Variants in IMMP2L observed in about 807,000 individuals in gnomAD.
IMMP2L encodes mitochondrial inner membrane protease subunit 2.
Under a neutral mutation model 19.3 loss-of-function variants are expected in IMMP2L, and 18 were observed. The observed-to-expected ratio is 0.93, with a 90% CI of 0.64 to 1.38. IMMP2L has a LOEUF of 1.38. Ranked by LOEUF, IMMP2L falls within the 40% of genes most tolerant of loss-of-function variation. IMMP2L has a pLI of 0.00. For missense variants in IMMP2L, 233 were observed against 218.2 expected, an observed-to-expected ratio of 1.07 and a Z score of -0.43; for synonymous variants, 76 against 73.0, an observed-to-expected ratio of 1.04 and a Z score of -0.21.
In IMMP2L at chr7:111,065,355, A is replaced by T. The variant is rs556032619; in HGVS notation, c.240-101790T>A. On this transcript the variant is annotated intron_variant, in intron 3 of 5. Coordinates refer to ENST00000405709, the MANE Select transcript of IMMP2L (RefSeq NM_032549.4). Reference sequence around the variant, plus strand: ...CTATATTATGTTAGACATAACTAAGACTTTATTATTGTCTTTATTTGAAGA... The same window carrying T: ...CTATATTATGTTAGACATAACTAAGTCTTTATTATTGTCTTTATTTGAAGA... 7.9e-5 allele frequency among the ~76,000 whole-genome samples: 12 copies of T among 152,276 alleles called. No individual in the cohort carries two copies. In the South Asian group the frequency reaches 1.4e-3, roughly 18 times the overall value.
At chr7:111,450,221 A>G (rs1220524713) in intron 3 of IMMP2L, among the ~76,000 whole-genome samples, 7 of 150,496 alleles carry the variant, frequency 4.7e-5, no homozygotes, top group African/African-American at 1.7e-4. Context: ...TTTAAAGTTC[A>G]TATGGAACCA....
At chr7:111,041,981 A>G (rs1167730139) in intron 3 of IMMP2L, among the ~76,000 whole-genome samples, 1 of 152,182 alleles carries the variant, frequency 6.6e-6, no homozygotes, top group Non-Finnish European at 1.5e-5. Context: ...ATAACAATCT[A>G]TATTATAGGG....
At chr7:111,035,775 T>C (rs557404391) in intron 3 of IMMP2L, among the ~76,000 whole-genome samples, 10 of 151,918 alleles carry the variant, frequency 6.6e-5, no homozygotes, top group South Asian at 4.2e-4. Flanking sequence ...ATTGGAGGAG[T>C]CCTTCTTAAC....
chr7:110,875,156 T>C (rs1808941669), intron 5 of IMMP2L, among the ~76,000 whole-genome samples: 1 of 152,134 alleles, frequency 6.6e-6, no homozygotes, highest in African/African-American at 2.4e-5. Context: ...AATGCCCATC[T>C]GGGCAAAAAA....
intron 3 of IMMP2L, among the ~76,000 whole-genome samples, chr7:111,257,828 A>T (rs558170854): frequency 6.6e-6 from 1 of 151,820 alleles, no homozygotes; most frequent in Non-Finnish European, 1.5e-5. Flanking sequence ...ACATGTGCAT[A>T]AAGTGCAGGT....
chr7:110,665,153 T>C (rs951911765), intron 5 of IMMP2L: 1 of 152,210 alleles, frequency 6.6e-6, no homozygotes, highest in South Asian at 2.1e-4. Flanking sequence ...TTCTTTTTTT[T>C]CTTCTACTTG....
At chr7:111,012,447 T>A (rs1825064798) in intron 3 of IMMP2L, among the ~76,000 whole-genome samples, 1 of 152,138 alleles carries the variant, frequency 6.6e-6, no homozygotes, top group Non-Finnish European at 1.5e-5. Flanking sequence ...ATGCATTCAG[T>A]TCCTCTACAT....
rs1554389250 is a variant in IMMP2L, at chr7:110,669,120, G to GAGAA, written c.409-5400_409-5399insTTCT. On this transcript the variant is annotated intron_variant, in intron 5 of 5. Coordinates refer to ENST00000405709, the MANE Select transcript of IMMP2L (RefSeq NM_032549.4). ...GTATATATATATATAGAGAGAGAGA[G>GAGAA]AGAGAAAGAGAGATTTATCTTTAAG... Among the ~76,000 whole-genome samples, 740 of 149,764 alleles carry GAGAA rather than the reference G, an allele frequency of 4.9e-3. 8 individuals are homozygous for GAGAA. The highest frequency in any genetic ancestry group is 0.016 in the African/African-American group (639 of 39,722).
At chr7:111,508,197 A>G (rs1001330037) in intron 2 of IMMP2L, among the ~76,000 whole-genome samples, 1 of 152,154 alleles carries the variant, frequency 6.6e-6, no homozygotes, top group African/African-American at 2.4e-5. Flanking sequence ...AAAAAAATTC[A>G]CTGACAAAAA....
chr7:111,231,645 A>G (rs915956781), intron 3 of IMMP2L, among the ~76,000 whole-genome samples: 12 of 151,922 alleles, frequency 7.9e-5, no homozygotes, highest in Non-Finnish European at 1.6e-4. Context: ...ATTCATGACT[A>G]TTTTATCTAC....
chr7:111,008,907 G>A (rs1824602626), intron 3 of IMMP2L, among the ~76,000 whole-genome samples: 1 of 152,068 alleles, frequency 6.6e-6, no homozygotes, highest in African/African-American at 2.4e-5. Flanking sequence ...AACAAAAGCA[G>A]GAATATGAAT....
At chr7:110,950,841 C>T (rs1585406393) in intron 4 of IMMP2L, among the ~76,000 whole-genome samples, 1 of 100,632 alleles carries the variant, frequency 9.9e-6, no homozygotes, top group Non-Finnish European at 1.9e-5. Context: ...CAAAATGTGG[C>T]ATATATATAT....
intron 5 of IMMP2L, among the ~76,000 whole-genome samples, chr7:110,841,622 C>A (rs1805097033): frequency 6.6e-6 from 1 of 152,026 alleles, no homozygotes; most frequent in Non-Finnish European, 1.5e-5. Flanking sequence ...CATTTCAGAT[C>A]AAATTTTACA....
At chr7:111,512,711 A>G (rs1003263019) in intron 2 of IMMP2L, among the ~76,000 whole-genome samples, 4 of 152,002 alleles carry the variant, frequency 2.6e-5, no homozygotes, top group Admixed American at 6.6e-5. Flanking sequence ...CAAATGCAAA[A>G]TTATAGTAAT....
At chr7:111,524,005 T>G (rs1444473784) in intron 1 of IMMP2L, among the ~76,000 whole-genome samples, 1 of 152,128 alleles carries the variant, frequency 6.6e-6, no homozygotes, top group South Asian at 2.1e-4. Flanking sequence ...ACTTTTCCAA[T>G]GGACTATTTT....
chr7:110,755,084 G>T (rs1797962747), intron 5 of IMMP2L, among the ~76,000 whole-genome samples: 1 of 151,944 alleles, frequency 6.6e-6, no homozygotes, highest in African/African-American at 2.4e-5. Context: ...TGCAACATAA[G>T]CTATGGGTCT....
At chr7:110,667,036 T>G (rs1791512146) in intron 5 of IMMP2L, among the ~76,000 whole-genome samples, 1 of 152,148 alleles carries the variant, frequency 6.6e-6, no homozygotes, top group Non-Finnish European at 1.5e-5. Flanking sequence ...CACGCCCAGC[T>G]AATTTTTTGT....
Position 110,727,966 on chromosome 7 carries a change from C to T in IMMP2L, c.409-64245G>A, listed in dbSNP as rs1409606817. On this transcript the variant is annotated intron_variant, in intron 5 of 5. Transcript: ENST00000405709. This position sits in a 1 kb window ranked among gnomAD's most constrained non-coding sequence, Gnocchi z 4.3. ...ACCCACACACATGTAATTCTGCTCA[C>T]TTCTGTTAACATTGTAAAAGGCAGC... Among the ~76,000 whole-genome samples the T allele has an allele frequency of 6.6e-6, 1 of 152,210 alleles. No individual in the cohort carries two copies. Among genetic ancestry groups the T allele is most frequent in the African/African-American group, 2.4e-5 (1 of 41,460 alleles).
intron 4 of IMMP2L, among the ~76,000 whole-genome samples, chr7:110,893,493 T>G (rs988162467): frequency 1.3e-5 from 2 of 152,242 alleles, no homozygotes; most frequent in African/African-American, 4.8e-5. Context: ...AATAGTATAC[T>G]ACTATATGAA....
Sources: allele counts gnomAD v4.1 joint callset (sites outside exome capture counted in the v4.1 genomes callset), GRCh38; gene constraint gnomAD v4.1.1; non-coding constraint Gnocchi (gnomAD v3.1); transcripts MANE v1.5; gene names NCBI Gene and HGNC (gene_info 2026-07-23, HGNC 2026-07-21).